CTNNBL1: variants seen among roughly 807,000 people sequenced by gnomAD.
CTNNBL1 encodes catenin beta like 1.
A neutral mutation model predicts 72.7 loss-of-function variants in CTNNBL1; 31 were observed. The ratio of observed to expected loss-of-function variants is 0.43; its 90% CI spans 0.32 to 0.58. The LOEUF (loss-of-function observed/expected upper bound fraction) is 0.58. CTNNBL1 is among the 20% of genes least tolerant of loss of function. CTNNBL1 has a pLI of 0.08. For synonymous variants in CTNNBL1, 240 were observed against 267.3 expected (o/e 0.90, Z 1.00); for missense variants, 534 against 725.1 (o/e 0.74, Z 3.03).
chr20:37,738,990 T>C (rs2073192145), intron 3 of CTNNBL1, among the ~76,000 whole-genome samples: 1 of 152,024 alleles, frequency 6.6e-6, no homozygotes, highest in Admixed American at 6.5e-5. Flanking sequence ...TCTTTGATAG[T>C]AGGAGTAGCT....
At chr20:37,829,264 AT>A (rs1281295739) in intron 11 of CTNNBL1, among the ~76,000 whole-genome samples, 2 of 152,238 alleles carry the variant, frequency 1.3e-5, no homozygotes, top group African/African-American at 4.8e-5. Flanking sequence ...GCTCTGTAGC[AT>A]GGCCTTGAAT....
At chr20:37,710,340 A>G (rs946103748) in intron 1 of CTNNBL1, among the ~76,000 whole-genome samples, 9 of 152,110 alleles carry the variant, frequency 5.9e-5, no homozygotes, top group African/African-American at 1.2e-4. Flanking sequence ...TTTGTTTGAT[A>G]TGATATCTAA....
At chr20:37,804,360 G>A (rs77128682) in intron 11 of CTNNBL1, among the ~76,000 whole-genome samples, 7,571 of 152,106 alleles carry the variant, frequency 0.05, 263 homozygotes, top group Middle Eastern at 0.19. Flanking sequence ...TGCACTATTC[G>A]CTATCATATT....
chr20:37,702,950 C>G (rs2072856565), intron 1 of CTNNBL1, among the ~76,000 whole-genome samples: 1 of 152,172 alleles, frequency 6.6e-6, no homozygotes, highest in African/African-American at 2.4e-5. Context: ...ATCTTGTTAG[C>G]TTGTTGGCCT....
In CTNNBL1 at chr20:37,694,128, C is replaced by T; in HGVS notation, c.6C>T (p.Asp2=). The change falls in exon 1 of 16, where the codon GAC becomes GAT. Residue 2 remains aspartate, a synonymous_variant. Coordinates refer to ENST00000361383, the MANE Select transcript of CTNNBL1 (RefSeq NM_030877.5). Reference sequence around the variant, plus strand: ...TATTTGCTGGGCCGGGTACCATGGACGTGGGCGAACTTCTGAGCTACCAGG... The same window carrying T: ...TATTTGCTGGGCCGGGTACCATGGATGTGGGCGAACTTCTGAGCTACCAGG... The part of the protein sequence containing the change: M[D]VGELLSYQPN... 4 of 1,602,418 alleles carry T rather than the reference C, an allele frequency of 2.5e-6. No individual in the cohort carries two copies. Among genetic ancestry groups the T allele is most frequent in the Non-Finnish European group, 3.4e-6 (4 of 1,175,126 alleles).
chr20:37,856,164 C>A (rs1458113442), intron 13 of CTNNBL1, among the ~76,000 whole-genome samples: 1 of 149,338 alleles, frequency 6.7e-6, no homozygotes, highest in Non-Finnish European at 1.5e-5. Context: ...TTGAACCCGG[C>A]ACTCCAGCCT....
chr20:37,703,938 T>C (rs1166148370), intron 1 of CTNNBL1, among the ~76,000 whole-genome samples: 1 of 152,038 alleles, frequency 6.6e-6, no homozygotes, highest in Non-Finnish European at 1.5e-5. Flanking sequence ...CCACCACGCC[T>C]GGCTAATTTT....
chr20:37,818,298 A>C (rs2072076973), intron 11 of CTNNBL1, among the ~76,000 whole-genome samples: 1 of 151,978 alleles, frequency 6.6e-6, no homozygotes. Flanking sequence ...ATGATTTATG[A>C]AGTTGTCATT....
At chr20:37,807,982 C>T (rs1045306125) in intron 11 of CTNNBL1, among the ~76,000 whole-genome samples, 6 of 152,050 alleles carry the variant, frequency 3.9e-5, no homozygotes, top group African/African-American at 1.4e-4. Context: ...TCCAGTTTTC[C>T]TCGTATTGCT....
chr20:37,695,528 A>G (rs1227593864), intron 1 of CTNNBL1, among the ~76,000 whole-genome samples: 2 of 152,202 alleles, frequency 1.3e-5, no homozygotes, highest in Admixed American at 6.5e-5. Flanking sequence ...ACCAATTTTA[A>G]CTGCCCCTCT....
At chr20:37,695,698 T>A (rs2072785007) in intron 1 of CTNNBL1, among the ~76,000 whole-genome samples, 1 of 152,240 alleles carries the variant, frequency 6.6e-6, no homozygotes, top group South Asian at 2.1e-4. Flanking sequence ...CTGGCTGCTG[T>A]AACCTTGAAC....
intron 13 of CTNNBL1, among the ~76,000 whole-genome samples, chr20:37,852,184 C>T (rs773992810): frequency 2.0e-5 from 3 of 152,208 alleles, no homozygotes; most frequent in African/African-American, 7.2e-5. Context: ...ACTCTCCTGT[C>T]TTGTTCAGAT....
intron 15 of CTNNBL1, among the ~76,000 whole-genome samples, chr20:37,865,950 T>C (rs1013200422): frequency 2.0e-5 from 3 of 152,268 alleles, no homozygotes; most frequent in Admixed American, 2.0e-4. Context: ...TAGTAGCTCA[T>C]AAACATGTAT....
intron 11 of CTNNBL1, among the ~76,000 whole-genome samples, chr20:37,818,684 G>A (rs1421283895): frequency 6.6e-6 from 1 of 152,108 alleles, no homozygotes; most frequent in African/African-American, 2.4e-5. Context: ...TGAAATCCTT[G>A]AACTCTAAAA....
chr20:37,841,291 A>G (rs568633264), intron 12 of CTNNBL1, among the ~76,000 whole-genome samples: 1 of 152,324 alleles, frequency 6.6e-6, no homozygotes, highest in South Asian at 2.1e-4. Context: ...AGAGGTCATC[A>G]GGTTAGGACA....
intron 3 of CTNNBL1, among the ~76,000 whole-genome samples, chr20:37,743,177 C>T (rs901094870): frequency 1.3e-5 from 2 of 150,960 alleles, no homozygotes; most frequent in Admixed American, 1.3e-4. Context: ...GTTTAGTGCC[C>T]AGTCTCCCTT....
chr20:37,738,271 G>A (rs2073186523), intron 3 of CTNNBL1, among the ~76,000 whole-genome samples: 1 of 152,212 alleles, frequency 6.6e-6, no homozygotes, highest in Non-Finnish European at 1.5e-5. Flanking sequence ...TGTCTCATCT[G>A]TATAAGGAAA....
rs991341365 is a variant in CTNNBL1, at chr20:37,832,208, G to A, written c.1214-7894G>A. 3.3e-5 allele frequency: 5 copies of A among 152,370 alleles called. No homozygotes were observed. In the East Asian group the frequency reaches 9.6e-4, roughly 29 times the overall value. 9.4% of individuals were successfully genotyped at this position (152,370 alleles called of 1,614,324 possible). A position where few individuals can be genotyped will look rare whatever the true frequency, so the allele number is the denominator to read the frequency against. On this transcript the variant is annotated intron_variant, in intron 11 of 15. Transcript: ENST00000361383. ...GTTAGAGAAAATAGCCCTACCAGCTGAGAGAGCCAAGCAATCTAGGTTTCT... is the reference window on the plus strand; with the variant it reads ...GTTAGAGAAAATAGCCCTACCAGCTAAGAGAGCCAAGCAATCTAGGTTTCT...
chr20:37,778,438 A>G (rs2073595116), intron 9 of CTNNBL1, among the ~76,000 whole-genome samples: 1 of 152,148 alleles, frequency 6.6e-6, no homozygotes, highest in Non-Finnish European at 1.5e-5. Context: ...CACCCCAAAA[A>G]TAGAGCTTTG....
Sources: gnomAD v4.1 joint callset for allele counts (sites outside exome capture counted in the v4.1 genomes callset) on GRCh38, gnomAD v4.1.1 for gene constraint, MANE v1.5 for transcripts, NCBI Gene and HGNC (gene_info 2026-07-23, HGNC 2026-07-21) for gene names.